SCN9A: variants seen among roughly 807,000 people sequenced by gnomAD.
The protein encoded by SCN9A is sodium voltage-gated channel alpha subunit 9.
In SCN9A, 131 loss-of-function variants were observed where a neutral mutation model predicts 187.0. That is an observed-to-expected ratio of 0.70 (90% CI 0.61 to 0.81). SCN9A has a LOEUF of 0.81. Ranked by LOEUF, SCN9A falls within the 30% of genes least tolerant of loss-of-function variation. The pLI is 0.00. For missense variants in SCN9A, 2,252 were observed against 2,396.6 expected, an observed-to-expected ratio of 0.94 and a Z score of 1.26; for synonymous variants, 809 against 808.6, an observed-to-expected ratio of 1.00 and a Z score of -0.01.
At chr2:166,363,173 C>G (rs544487770) in intron 1 of SCN9A, among the ~76,000 whole-genome samples, 2 of 152,018 alleles carry the variant, frequency 1.3e-5, no homozygotes, top group Admixed American at 1.3e-4. Flanking sequence ...TAAAAATTAA[C>G]AGAGAGAGGA....
chr2:166,362,625 A>G (rs1336892054), intron 1 of SCN9A, among the ~76,000 whole-genome samples: 1 of 151,972 alleles, frequency 6.6e-6, no homozygotes, highest in Non-Finnish European at 1.5e-5. Context: ...TCCTTCCTCA[A>G]ATTTATATTC....
At chr2:166,288,330 C>T in intron 10 of SCN9A, 107 bp downstream of exon 10, 1 of 837,810 alleles carries the variant, frequency 1.2e-6, no homozygotes, top group Non-Finnish European at 1.8e-6. Context: ...CACAAAAATT[C>T]ATTAAAGAAA....
intron 18 of SCN9A, among the ~76,000 whole-genome samples, chr2:166,250,417 G>A (rs1323032447): frequency 1.3e-5 from 2 of 152,078 alleles, no homozygotes; most frequent in Non-Finnish European, 1.5e-5. Flanking sequence ...GATCCTCTTA[G>A]CATCGCTGTG....
intron 1 of SCN9A, among the ~76,000 whole-genome samples, chr2:166,375,225 C>A (rs1700660069): frequency 6.6e-6 from 1 of 152,128 alleles, no homozygotes; most frequent in Admixed American, 6.5e-5. Flanking sequence ...GTGCGGGGTT[C>A]TTTTCTGTCC....
At chr2:166,268,283 T>C (rs1443516276) in intron 17 of SCN9A, among the ~76,000 whole-genome samples, 1 of 152,034 alleles carries the variant, frequency 6.6e-6, no homozygotes, top group Non-Finnish European at 1.5e-5. Flanking sequence ...AGTGGCATTC[T>C]TAACTATATC....
intron 4 of SCN9A, 100 bp downstream of exon 4, chr2:166,306,410 G>C: frequency 1.4e-6 from 1 of 740,650 alleles, no homozygotes; most frequent in Non-Finnish European, 2.4e-6. Context: ...GGAAGGTAAA[G>C]ATTCCCCATC....
intron 24 of SCN9A, among the ~76,000 whole-genome samples, chr2:166,207,787 TTTATGTAATTTTCA>T (rs1352741442): frequency 3.9e-5 from 6 of 152,148 alleles, no homozygotes; most frequent in Non-Finnish European, 7.4e-5. Flanking sequence ...ATATGCAGTC[TTTATGTAATTTTCA>T]TATTCATCTC....
Position 166,303,140 on chromosome 2 carries a change from T to C in SCN9A, c.851A>G (p.Glu284Gly). Residue 284 changes from glutamate (E) to glycine (G), a missense_variant, in exon 7 of 27, where the codon GAA becomes GGA. Glu to Gly is a moderately conservative substitution (Grantham distance 98, BLOSUM62 -2). This residue lies in a region of SCN9A where 1,013 missense variants were observed against 997.4 expected (regional missense o/e 1.02). Transcript: ENST00000642356. ...KCFRNSLENN[E>G]TLESIMNTLE... ...GGTATTCATTATGCTTTCTAATGTT[T>C]CATTATTTTCAAGTGAATTTCGAAA... 1 of 1,610,900 alleles carries C rather than the reference T, an allele frequency of 6.2e-7. No homozygotes were observed. Among genetic ancestry groups the C allele is most frequent in the East Asian group, 2.2e-5 (1 of 44,804 alleles).
intron 25 of SCN9A, 26 bp from the exon 26 acceptor site, chr2:166,204,251 A>C (rs1161936533): frequency 6.3e-7 from 1 of 1,596,760 alleles, no homozygotes. Context: ...AATAATATCG[A>C]ATGCAGAGTA....
rs77487847 is a variant in SCN9A at position 166,336,566 on chromosome 2, A to G, written c.-50-24760T>C. 5.8e-3 allele frequency among the ~76,000 whole-genome samples: 889 copies of G among 152,252 alleles called. 5 individuals are homozygous for G. The highest frequency in any genetic ancestry group is 8.8e-3 in the Non-Finnish European group (596 of 67,988). On this transcript the variant is annotated intron_variant, in intron 1 of 26. Transcript: ENST00000642356. ...AGGTTGAGAAACCTATGCTTAGACC[A>G]CAATTTCACCTGGAGGCTTTTTCCA...
rs773066209 is a variant in SCN9A at position 166,286,613 on chromosome 2, G to A, written c.1325C>T (p.Ala442Val). 10 of 1,545,618 alleles carry A rather than the reference G, an allele frequency of 6.5e-6. No individual in the cohort carries two copies. The highest frequency in any genetic ancestry group is 7.8e-6 in the Non-Finnish European group (9 of 1,151,112). The change falls in exon 11 of 27, where the codon GCG (alanine) becomes GTG (valine). Residue 442 changes from alanine (A) to valine (V), a missense_variant. Physicochemically the swap from Ala to Val is moderately conservative, Grantham distance 64 (BLOSUM62 0). Transcript: ENST00000642356. ...KEQEEAEAIA[A>V]AAAEYTSIRR... ...AATACTTGTATATTCAGCCGCTGCC[G>A]CTGCAATTGCCTGGTTGGGCCAAGA...
At chr2:166,274,690 G>T (rs1211386862) in intron 16 of SCN9A, among the ~76,000 whole-genome samples, 1 of 151,950 alleles carries the variant, frequency 6.6e-6, no homozygotes, top group Non-Finnish European at 1.5e-5. Context: ...AATAATTAAA[G>T]AATAATAATA....
intron 16 of SCN9A, among the ~76,000 whole-genome samples, chr2:166,273,772 A>T (rs61261224): frequency 0.038 from 5,806 of 152,244 alleles, 332 homozygotes; most frequent in African/African-American, 0.12. Context: ...ATTTGATGTA[A>T]GTCTTTTCAT....
intron 1 of SCN9A, among the ~76,000 whole-genome samples, chr2:166,374,436 C>T (rs569021337): frequency 4.6e-5 from 7 of 151,914 alleles, no homozygotes; most frequent in East Asian, 3.9e-4. Flanking sequence ...TGAAAATTTG[C>T]GACACAGGGA....
In SCN9A at chr2:166,281,714, A is replaced by G; in HGVS notation, c.2069T>C (p.Met690Thr). The G allele has an allele frequency of 6.2e-7, 1 of 1,613,356 alleles. No homozygotes were observed. Among genetic ancestry groups the G allele is most frequent in the Non-Finnish European group, 8.5e-7 (1 of 1,179,538 alleles). The change falls in exon 13 of 27, where the codon ATG (methionine) becomes ACG (threonine). Residue 690 changes from methionine to threonine, a missense_variant. Transcript: ENST00000642356. The part of the protein sequence containing the change: ...LNDPNLRQRA[M>T]SRASILTNTV... Reference sequence around the variant, plus strand: ...GTTTGTTAATATGCTTGCTCTACTCATTGCTCTCTGTCTGAGGTTGGGATC... The same window carrying G: ...GTTTGTTAATATGCTTGCTCTACTCGTTGCTCTCTGTCTGAGGTTGGGATC...
chr2:166,301,305 C>T (rs1698548112), intron 7 of SCN9A: 1 of 150,762 alleles, frequency 6.6e-6, no homozygotes, highest in African/African-American at 2.5e-5. Flanking sequence ...CTCAGCCAAT[C>T]ACAGCAGCTG....
chr2:166,230,679 T>C (rs943764406), intron 21 of SCN9A, among the ~76,000 whole-genome samples: 12 of 152,206 alleles, frequency 7.9e-5, no homozygotes, highest in Non-Finnish European at 1.8e-4. Context: ...CTACTGTATA[T>C]TCCTGTATCA....
At chr2:166,279,624 G>T (rs181577610) in intron 14 of SCN9A, among the ~76,000 whole-genome samples, 2 of 151,962 alleles carry the variant, frequency 1.3e-5, no homozygotes, top group Non-Finnish European at 2.9e-5. Context: ...CAACCATTTT[G>T]GTTTCTCAAA....
At chr2:166,342,138 A>G (rs1031398555) in intron 1 of SCN9A, among the ~76,000 whole-genome samples, 1 of 152,084 alleles carries the variant, frequency 6.6e-6, no homozygotes, top group Admixed American at 6.6e-5. Context: ...GATGCCCTAT[A>G]AATAGAGAAA....
Sources: gnomAD v4.1 joint callset for allele counts (sites outside exome capture counted in the v4.1 genomes callset) on GRCh38, gnomAD v4.1.1 for gene constraint, gnomAD v4.1.1 regional missense constraint, MANE v1.5 for transcripts, NCBI Gene and HGNC (gene_info 2026-07-23, HGNC 2026-07-21) for gene names.